Variants in PARG observed in about 807,000 individuals in gnomAD.
PARG encodes mitochondrial poly(ADP-ribose) glycohydrolase.
In PARG, 35 loss-of-function variants were observed where a neutral mutation model predicts 113.0. The observed-to-expected ratio is 0.31, with a 90% CI of 0.24 to 0.41. The LOEUF is 0.41. Ranked by LOEUF, PARG falls within the 10% of genes least tolerant of loss-of-function variation. The pLI, the probability that PARG is intolerant of heterozygous loss-of-function variation, is 1.00. For synonymous variants in PARG, 330 were observed against 409.9 expected (o/e 0.81, Z 2.36); for missense variants, 797 against 1,169.4 (o/e 0.68, Z 4.64).
At chr10:49,823,464 A>G (rs1844206510) in intron 16 of PARG, among the ~76,000 whole-genome samples, 1 of 152,174 alleles carries the variant, frequency 6.6e-6, no homozygotes, top group Non-Finnish European at 1.5e-5. Context: ...TTTATTGAGT[A>G]CCCACAACAT....
intron 6 of PARG, among the ~76,000 whole-genome samples, chr10:49,920,549 T>C (rs1319622203): frequency 2.8e-5 from 4 of 142,732 alleles, no homozygotes; most frequent in Non-Finnish European, 6.1e-5. Context: ...TACACATATA[T>C]ATACATATAT....
At chr10:49,820,561 CA>C (rs796621763) in intron 16 of PARG, among the ~76,000 whole-genome samples, 7 of 148,376 alleles carry the variant, frequency 4.7e-5, no homozygotes, top group South Asian at 4.3e-4. Context: ...ACTAAAAATA[CA>C]AAAAAAAAAT....
intron 1 of PARG, among the ~76,000 whole-genome samples, chr10:49,938,631 CT>C (rs1838864585): frequency 1.3e-5 from 2 of 151,584 alleles, no homozygotes; most frequent in South Asian, 4.2e-4. Flanking sequence ...GAAGTGGGGT[CT>C]CGCTATGTTG....
chr10:49,926,335 T>TA (rs1838162930), intron 4 of PARG, among the ~76,000 whole-genome samples: 1 of 151,846 alleles, frequency 6.6e-6, no homozygotes, highest in Admixed American at 6.5e-5. Context: ...GGCACCTATC[T>TA]AGCCTTGAGA....
At chr10:49,866,965 G>A (rs1249748474) in intron 10 of PARG, 1 of 151,562 alleles carries the variant, frequency 6.6e-6, no homozygotes, top group Non-Finnish European at 1.5e-5. Flanking sequence ...TAACAACACT[G>A]AAAAGTTGGT....
chr10:49,830,284 G>A (rs1182885307), intron 16 of PARG, among the ~76,000 whole-genome samples: 1 of 152,204 alleles, frequency 6.6e-6, no homozygotes, highest in Non-Finnish European at 1.5e-5. Context: ...TTTTACTTAA[G>A]AGAAAGACAG....
chr10:49,923,616 T>C (rs1339385451), intron 4 of PARG, among the ~76,000 whole-genome samples: 4 of 151,970 alleles, frequency 2.6e-5, no homozygotes, highest in Admixed American at 2.6e-4. Context: ...CAGGGAGTTG[T>C]GAAACTGCCT....
At chr10:49,914,240 T>C (rs1292239643) in intron 7 of PARG, among the ~76,000 whole-genome samples, 3 of 152,220 alleles carry the variant, frequency 2.0e-5, no homozygotes, top group Non-Finnish European at 4.4e-5. Context: ...CAATTAACCA[T>C]CATGTCCAAT....
At chr10:49,940,918 G>A (rs1283109353) in intron 1 of PARG, among the ~76,000 whole-genome samples, 1 of 152,138 alleles carries the variant, frequency 6.6e-6, no homozygotes, top group Non-Finnish European at 1.5e-5. Context: ...TCTTCTGGAG[G>A]ACTATTTTCG....
chr10:49,935,372 A>C (rs1838696144), intron 1 of PARG, among the ~76,000 whole-genome samples: 2 of 152,378 alleles, frequency 1.3e-5, no homozygotes, highest in South Asian at 4.1e-4. Flanking sequence ...GGATAAGAGC[A>C]TAGGCTATGG....
At chr10:49,919,552 T>G (rs1290950036) in intron 6 of PARG, among the ~76,000 whole-genome samples, 1 of 152,172 alleles carries the variant, frequency 6.6e-6, no homozygotes, top group African/African-American at 2.4e-5. Context: ...ATGTGGTAAT[T>G]ACATGCCTGT....
intron 14 of PARG, 28 bp downstream of exon 14, chr10:49,843,525 TG>T: frequency 7.0e-7 from 1 of 1,427,428 alleles, no homozygotes; most frequent in Non-Finnish European, 9.7e-7. Flanking sequence ...CTTTTAGCCA[TG>T]GAATACTGAA....
intron 15 of PARG, among the ~76,000 whole-genome samples, chr10:49,840,394 A>AT (rs1554832028): frequency 6.6e-6 from 1 of 151,816 alleles, no homozygotes; most frequent in African/African-American, 2.4e-5. Context: ...CTGCTTCAAA[A>AT]AAAAAAAAAC....
intron 7 of PARG, among the ~76,000 whole-genome samples, chr10:49,906,510 C>G (rs1848599800): frequency 6.6e-6 from 1 of 152,070 alleles, no homozygotes; most frequent in Non-Finnish European, 1.5e-5. Context: ...TTCCTAGGTG[C>G]TATGTCAAAG....
chr10:49,819,464 T>C lies in PARG; in HGVS notation c.2807A>G (p.Tyr936Cys). The C allele has an allele frequency of 6.4e-7, 1 of 1,551,394 alleles. No individual in the cohort carries two copies. Among genetic ancestry groups the C allele is most frequent in the Non-Finnish European group, 8.7e-7 (1 of 1,146,660 alleles). ...GGAACAGTTTCTGCATTCTTCATTG[T>C]AGTATCGTAGCAACAGCTTATACAC... ...GDVYKLLLRY[Y>C]NEECRNCSTP... is the part of the protein sequence containing the mutation. Residue 936 changes from tyrosine (Y) to cysteine (C), a missense_variant, in exon 18 of 18, where the codon TAC becomes TGC. Around this residue, in one of 5 missense-constraint regions of PARG, gnomAD observed 194 missense variants for 247.1 expected, o/e 0.79. Coordinates refer to ENST00000616448, the MANE Select transcript of PARG (RefSeq NM_003631.5).
intron 15 of PARG, among the ~76,000 whole-genome samples, chr10:49,834,729 A>G: frequency 6.6e-6 from 1 of 152,092 alleles, no homozygotes; most frequent in South Asian, 2.1e-4. Context: ...GGTGTCACCT[A>G]CTTGGGAGGC....
rs368336932 is a variant in PARG at position 49,840,704 on chromosome 10, A to G, written c.2541+1246T>C. On this transcript the variant is annotated intron_variant, in intron 15 of 17. Transcript: ENST00000616448. ...TCAACAATAAATTAGATTCTCCCAA[A>G]TAGATCAGGATATAAGATACTTAAT... Among the ~76,000 whole-genome samples the G allele has an allele frequency of 1.0e-3, 154 of 152,338 alleles. 3 individuals are homozygous for G. In the South Asian group the frequency reaches 0.029, roughly 29 times the overall value.
chr10:49,936,374 C>T (rs1364084135), intron 1 of PARG, among the ~76,000 whole-genome samples: 8 of 152,158 alleles, frequency 5.3e-5, no homozygotes, highest in Non-Finnish European at 1.0e-4. Context: ...ACGATTAGGT[C>T]GATTCTGCCT....
Position 49,941,812 on chromosome 10 carries a change from T to C in PARG, c.-87A>G. ...CTGAGAGAGATGGACTGCGCCTCCT[T>C]CTCAGCGCCTGCCTGCACCATTCCC... On this transcript the variant is annotated 5_prime_UTR_variant, in exon 1 of 18. Transcript: ENST00000616448. 1 of 1,534,354 alleles carries C rather than the reference T, an allele frequency of 6.5e-7. No homozygotes were observed. Among genetic ancestry groups the C allele is most frequent in the Non-Finnish European group, 8.7e-7 (1 of 1,145,024 alleles).
Sources: allele counts gnomAD v4.1 joint callset (sites outside exome capture counted in the v4.1 genomes callset), GRCh38; gene constraint gnomAD v4.1.1; regional missense constraint gnomAD v4.1.1; transcripts MANE v1.5; gene names NCBI Gene and HGNC (gene_info 2026-07-23, HGNC 2026-07-21).